Variants in PDZRN4 observed in about 807,000 individuals in gnomAD.
PDZRN4 encodes the protein PDZ domain-containing RING finger protein 4.
PDZRN4 carries 70 observed loss-of-function variants against 99.0 expected under a neutral mutation model. That is an observed-to-expected ratio of 0.71 (90% CI 0.58 to 0.86). The LOEUF is 0.86. Ranked by LOEUF, PDZRN4 falls within the 40% of genes least tolerant of loss-of-function variation. PDZRN4 has a pLI of 0.00. For synonymous variants in PDZRN4, 551 were observed against 501.6 expected (o/e 1.10, Z -1.32); for missense variants, 1,474 against 1,331.2 (o/e 1.11, Z -1.67).
At chr12:41,555,373 T>G (rs983023079) in intron 6 of PDZRN4, among the ~76,000 whole-genome samples, 27 of 151,410 alleles carry the variant, frequency 1.8e-4, no homozygotes, top group African/African-American at 6.6e-4. Flanking sequence ...CATGTGACAG[T>G]TGGGATACAG....
chr12:41,572,901 C>T lies in PDZRN4; in HGVS notation c.2122C>T (p.Arg708Trp), dbSNP rs779015632. The change falls in exon 10 of 10, where the codon CGG (arginine) becomes TGG (tryptophan). Residue 708 changes from arginine (R) to tryptophan (W), a missense_variant. Arg to Trp is a moderately radical substitution (Grantham distance 101). Coordinates refer to ENST00000402685, the MANE Select transcript of PDZRN4 (RefSeq NM_001164595.2). ...DIWTLHDGGF[R>W]NYNTSIDMQR... is the part of the protein sequence containing the mutation. ...CTGGACATTGCATGATGGAGGATTCCGGAATTATAACACCAGCATAGATAT... is the reference window on the plus strand; with the variant it reads ...CTGGACATTGCATGATGGAGGATTCTGGAATTATAACACCAGCATAGATAT... The T allele has an allele frequency of 2.1e-5, 34 of 1,613,908 alleles. 1 individual carries two copies. Among genetic ancestry groups the T allele is most frequent in the South Asian group, 4.4e-5 (4 of 91,060 alleles).
At chr12:41,376,034 G>A (rs1026660812) in intron 3 of PDZRN4, among the ~76,000 whole-genome samples, 2 of 152,042 alleles carry the variant, frequency 1.3e-5, no homozygotes, top group African/African-American at 4.8e-5. Flanking sequence ...TTAGCATAAT[G>A]CCTTCAAGTT....
chr12:41,219,307 T>C (rs1246714110), intron 3 of PDZRN4, among the ~76,000 whole-genome samples: 1 of 152,020 alleles, frequency 6.6e-6, no homozygotes, highest in African/African-American at 2.4e-5. Flanking sequence ...TTTTGATGAT[T>C]GAGTAGGAGT....
At chr12:41,393,558 C>T (rs910098797) in intron 3 of PDZRN4, among the ~76,000 whole-genome samples, 12 of 151,932 alleles carry the variant, frequency 7.9e-5, no homozygotes, top group Non-Finnish European at 1.5e-4. Flanking sequence ...GTAAAGAATG[C>T]TTTTCCTAGA....
At chr12:41,237,380 G>A (rs1252623763) in intron 3 of PDZRN4, among the ~76,000 whole-genome samples, 1 of 152,060 alleles carries the variant, frequency 6.6e-6, no homozygotes, top group Admixed American at 6.6e-5. Flanking sequence ...CACCTTTATG[G>A]ATCATATTGG....
intron 3 of PDZRN4, among the ~76,000 whole-genome samples, chr12:41,376,175 G>A (rs748888293): frequency 2.0e-5 from 3 of 152,132 alleles, no homozygotes. Context: ...TGTGAATAAT[G>A]TGAACTGAAC....
chr12:41,554,929 C>A (rs1317625344), intron 6 of PDZRN4, among the ~76,000 whole-genome samples: 2 of 151,590 alleles, frequency 1.3e-5, no homozygotes. Flanking sequence ...TGGTCTTGGG[C>A]CGGACGCGGT....
intron 3 of PDZRN4, among the ~76,000 whole-genome samples, chr12:41,212,000 AT>A (rs1289304543): frequency 6.6e-6 from 1 of 151,774 alleles, no homozygotes; most frequent in Non-Finnish European, 1.5e-5. Context: ...TGCATATTTT[AT>A]TTTATATTCT....
intron 3 of PDZRN4, among the ~76,000 whole-genome samples, chr12:41,352,054 G>A (rs992407688): frequency 3.3e-5 from 5 of 151,814 alleles, no homozygotes; most frequent in Non-Finnish European, 5.9e-5. Context: ...GAAATAAATA[G>A]CATGAAAACT....
At chr12:41,376,174 T>C (rs1952078064) in intron 3 of PDZRN4, among the ~76,000 whole-genome samples, 1 of 152,200 alleles carries the variant, frequency 6.6e-6, no homozygotes, top group Non-Finnish European at 1.5e-5. Flanking sequence ...TTGTGAATAA[T>C]GTGAACTGAA....
chr12:41,356,660 G>C (rs1951929680), intron 3 of PDZRN4, among the ~76,000 whole-genome samples: 1 of 151,884 alleles, frequency 6.6e-6, no homozygotes, highest in African/African-American at 2.4e-5. Context: ...AATTATACCA[G>C]TGTGCACACT....
At chr12:41,477,277 T>G (rs2120587375) in intron 3 of PDZRN4, among the ~76,000 whole-genome samples, 1 of 152,338 alleles carries the variant, frequency 6.6e-6, no homozygotes, top group East Asian at 1.9e-4. Flanking sequence ...CCTGCCTCCA[T>G]TTTTCAATTT....
chr12:41,525,704 G>A (rs1285753629), intron 5 of PDZRN4, among the ~76,000 whole-genome samples: 1 of 151,898 alleles, frequency 6.6e-6, no homozygotes, highest in Admixed American at 6.6e-5. Context: ...ATGAAGAAAG[G>A]AAAAAATGGA....
At chr12:41,550,907 G>A (rs191404623) in intron 5 of PDZRN4, among the ~76,000 whole-genome samples, 2 of 152,264 alleles carry the variant, frequency 1.3e-5, no homozygotes, top group East Asian at 3.9e-4. Context: ...AAATTGAAAA[G>A]GAGGATATAT....
At chr12:41,362,729 A>T (rs1043670224) in intron 3 of PDZRN4, among the ~76,000 whole-genome samples, 4 of 152,110 alleles carry the variant, frequency 2.6e-5, no homozygotes, top group Admixed American at 6.6e-5. Context: ...GATGGGAAGC[A>T]GCTGCTATGG....
chr12:41,481,909 T>C (rs978109290), intron 3 of PDZRN4, among the ~76,000 whole-genome samples: 3 of 152,164 alleles, frequency 2.0e-5, no homozygotes, highest in African/African-American at 7.2e-5. Flanking sequence ...CCATGATCAA[T>C]TTACCCGATT....
At chr12:41,331,328 T>A (rs574764108) in intron 3 of PDZRN4, among the ~76,000 whole-genome samples, 1 of 152,104 alleles carries the variant, frequency 6.6e-6, no homozygotes, top group Non-Finnish European at 1.5e-5. Context: ...CATTTACAGA[T>A]GAGCGTGCTT....
chr12:41,487,828 C>T (rs1269966206), intron 3 of PDZRN4, among the ~76,000 whole-genome samples: 1 of 152,182 alleles, frequency 6.6e-6, no homozygotes, highest in Non-Finnish European at 1.5e-5. Flanking sequence ...ATGTCTACTG[C>T]TTCTTAAAGT....
chr12:41,393,216 C>T (rs1952222121), intron 3 of PDZRN4, among the ~76,000 whole-genome samples: 1 of 152,152 alleles, frequency 6.6e-6, no homozygotes, highest in Non-Finnish European at 1.5e-5. Context: ...GTTTTATATA[C>T]ACTTAGCACA....
Sources: allele counts gnomAD v4.1 joint callset (sites outside exome capture counted in the v4.1 genomes callset), GRCh38; gene constraint gnomAD v4.1.1; transcripts MANE v1.5; gene names NCBI Gene and HGNC (gene_info 2026-07-23, HGNC 2026-07-21).